Variants in PTPRT observed in about 807,000 individuals in gnomAD.
The protein encoded by PTPRT is protein tyrosine phosphatase receptor type T.
A neutral mutation model predicts 176.8 loss-of-function variants in PTPRT; 56 were observed. The ratio of observed to expected loss-of-function variants is 0.32; its 90% CI spans 0.26 to 0.40. PTPRT has a LOEUF of 0.40. PTPRT is among the 10% of genes least tolerant of loss of function. PTPRT has a pLI of 1.00. For synonymous variants in PTPRT, 783 were observed against 739.0 expected (o/e 1.06, Z -0.96); for missense variants, 1,540 against 1,908.2 (o/e 0.81, Z 3.60).
chr20:42,279,233 A>G (rs1292284540), intron 13 of PTPRT, among the ~76,000 whole-genome samples: 3 of 152,052 alleles, frequency 2.0e-5, no homozygotes, highest in South Asian at 2.1e-4. Context: ...ATATTCAAGG[A>G]AATTCCCTTG....
At chr20:43,097,137 G>T (rs1239392624) in intron 1 of PTPRT, among the ~76,000 whole-genome samples, 1 of 152,184 alleles carries the variant, frequency 6.6e-6, no homozygotes, top group Non-Finnish European at 1.5e-5. Flanking sequence ...GACAGTCCCT[G>T]CTTCCAAGCA....
rs1403325555 is a variant in PTPRT at position 43,079,699 on chromosome 20, T to C, written c.88+109947A>G. On this transcript the variant is annotated intron_variant, in intron 1 of 30. Transcript: ENST00000373187. ...ATTATTGTGGTACAAAAGAAAGTTA[T>C]TAATTTTCATATGTTTATATTATCC... is the stretch of plus-strand genomic sequence containing the variant. Among the ~76,000 whole-genome samples the C allele has an allele frequency of 2.0e-5, 3 of 152,338 alleles. No individual in the cohort carries two copies. In the East Asian group the frequency reaches 5.8e-4, roughly 29 times the overall value.
intron 19 of PTPRT, among the ~76,000 whole-genome samples, chr20:42,125,535 A>G (rs1042966095): frequency 6.6e-6 from 1 of 152,168 alleles, no homozygotes; most frequent in African/African-American, 2.4e-5. Flanking sequence ...ACAGAAGAAG[A>G]AGGTCGTGGT....
intron 21 of PTPRT, among the ~76,000 whole-genome samples, chr20:42,116,412 G>T (rs1987286115): frequency 6.6e-6 from 1 of 152,154 alleles, no homozygotes; most frequent in Non-Finnish European, 1.5e-5. Context: ...GGGGGCAAAT[G>T]GATTCATTGT....
At chr20:42,951,774 G>C (rs1981267764) in intron 1 of PTPRT, among the ~76,000 whole-genome samples, 1 of 152,162 alleles carries the variant, frequency 6.6e-6, no homozygotes, top group Non-Finnish European at 1.5e-5. Flanking sequence ...GGCCTTGATA[G>C]CTGACTGAGT....
intron 9 of PTPRT, among the ~76,000 whole-genome samples, chr20:42,440,768 T>C (rs930806289): frequency 8.9e-4 from 135 of 152,310 alleles, no homozygotes; most frequent in Non-Finnish European, 1.1e-3. Flanking sequence ...TGAGCCACCA[T>C]GCCCGGCCTG....
At chr20:42,925,467 A>G (rs1385472635) in intron 1 of PTPRT, among the ~76,000 whole-genome samples, 1 of 152,226 alleles carries the variant, frequency 6.6e-6, no homozygotes, top group Non-Finnish European at 1.5e-5. Flanking sequence ...GAGTGATAGA[A>G]GCTCTAAAAC....
At chr20:43,122,580 G>C (rs2013301946) in intron 1 of PTPRT, among the ~76,000 whole-genome samples, 1 of 152,166 alleles carries the variant, frequency 6.6e-6, no homozygotes, top group Non-Finnish European at 1.5e-5. Flanking sequence ...CCATCCACTT[G>C]TTAACGAGTG....
chr20:42,910,199 GTT>G (rs2079527298), intron 1 of PTPRT, among the ~76,000 whole-genome samples: 1 of 152,124 alleles, frequency 6.6e-6, no homozygotes, highest in Non-Finnish European at 1.5e-5. Flanking sequence ...GTTCAAAACT[GTT>G]TTGATTCGGA....
chr20:42,495,381 A>G (rs2071635673), intron 7 of PTPRT, among the ~76,000 whole-genome samples: 1 of 151,996 alleles, frequency 6.6e-6, no homozygotes, highest in African/African-American at 2.4e-5. Flanking sequence ...CATATTTCCT[A>G]CCTCAGTGGC....
chr20:42,979,727 C>A (rs1983160999), intron 1 of PTPRT, among the ~76,000 whole-genome samples: 1 of 152,104 alleles, frequency 6.6e-6, no homozygotes, highest in Non-Finnish European at 1.5e-5. Flanking sequence ...TCCTAGGTCT[C>A]CAGTCTGGGC....
At chr20:42,156,249 C>A (rs991863370) in intron 17 of PTPRT, among the ~76,000 whole-genome samples, 10 of 152,204 alleles carry the variant, frequency 6.6e-5, no homozygotes, top group African/African-American at 2.4e-4. Flanking sequence ...TCTGGATATA[C>A]CTCTATGGTG....
At chr20:42,031,966 C>T in the PTPRT span, among the ~76,000 whole-genome samples, 1 of 152,136 alleles carries the variant, frequency 6.6e-6, no homozygotes, top group Admixed American at 6.6e-5. Flanking sequence ...ACTATTATCA[C>T]AATTTTATAG....
intron 9 of PTPRT, among the ~76,000 whole-genome samples, chr20:42,377,645 TC>T (rs1295945098): frequency 6.6e-6 from 1 of 152,204 alleles, no homozygotes; most frequent in Non-Finnish European, 1.5e-5. Context: ...ACCACTGACC[TC>T]AACCTAAAAC....
At chr20:42,609,312 G>A (rs1444888717) in intron 7 of PTPRT, among the ~76,000 whole-genome samples, 4 of 151,982 alleles carry the variant, frequency 2.6e-5, no homozygotes, top group Non-Finnish European at 4.4e-5. Context: ...GACCGCAAAC[G>A]ATCCGCCCGC....
chr20:42,831,366 CA>C (rs1443405738), intron 2 of PTPRT, among the ~76,000 whole-genome samples: 2 of 152,108 alleles, frequency 1.3e-5, no homozygotes, highest in African/African-American at 2.4e-5. Context: ...ATACCCTATA[CA>C]AAAATCAACT....
At chr20:42,152,275 C>G (rs966075538) in intron 17 of PTPRT, among the ~76,000 whole-genome samples, 2 of 152,178 alleles carry the variant, frequency 1.3e-5, no homozygotes, top group Non-Finnish European at 2.9e-5. Flanking sequence ...CTGAAAAGCA[C>G]AAGACTTAGG....
At chr20:42,428,570 T>C (rs1174517920) in intron 9 of PTPRT, among the ~76,000 whole-genome samples, 1 of 152,180 alleles carries the variant, frequency 6.6e-6, no homozygotes, top group Non-Finnish European at 1.5e-5. Context: ...TGCCTATTTG[T>C]GTCAGAGCCC....
At chr20:43,050,406 G>A (rs1000910188) in intron 1 of PTPRT, among the ~76,000 whole-genome samples, 1 of 152,220 alleles carries the variant, frequency 6.6e-6, no homozygotes, top group Non-Finnish European at 1.5e-5. Flanking sequence ...AGCTACTAAA[G>A]GCCCGGATTG....
Sources: gnomAD v4.1 joint callset for allele counts (sites outside exome capture counted in the v4.1 genomes callset) on GRCh38, gnomAD v4.1.1 for gene constraint, MANE v1.5 for transcripts, NCBI Gene and HGNC (gene_info 2026-07-23, HGNC 2026-07-21) for gene names.